The following DYNC1H1 variants were observed in gnomAD, a reference collection of about 807,000 sequenced individuals.
DYNC1H1 encodes cytoplasmic dynein 1 heavy chain 1.
In DYNC1H1, 51 loss-of-function variants were observed where a neutral mutation model predicts 527.1. The ratio of observed to expected loss-of-function variants is 0.10; its 90% CI spans 0.08 to 0.12. The LOEUF (loss-of-function observed/expected upper bound fraction) is 0.12, where lower values mean the gene tolerates loss of function less well. Ranked by LOEUF, DYNC1H1 falls within the 10% of genes least tolerant of loss-of-function variation. The probability of loss-of-function intolerance (pLI) is 1.00; values close to 1 mark genes in which losing one functional copy is unlikely to be tolerated. For missense variants in DYNC1H1, 2,771 were observed against 5,971.8 expected (o/e 0.46, Z 17.66); for synonymous variants, 2,189 against 2,278.8 (o/e 0.96, Z 1.12).
rs774359082 is a variant in DYNC1H1, at chr14:102,000,074, G to A, written c.3890G>A (p.Cys1297Tyr). Reference protein sequence around the residue: ...FGRLKDDREKCAKAKEALELT... With the variant: ...FGRLKDDREKYAKAKEALELT... ...AGGCTGAAGGACGACAGAGAGAAGT[G>A]TGCAAAGGCCAAGGAGGCGCTGGAA... Residue 1297 changes from cysteine (C) to tyrosine (Y), a missense_variant, in exon 17 of 78, where the codon TGT (cysteine) becomes TAT (tyrosine). This residue lies in a region of DYNC1H1 where 223 missense variants were observed against 462.5 expected (regional missense o/e 0.48). Transcript: ENST00000360184. 1 of 1,614,084 alleles carries A rather than the reference G, an allele frequency of 6.2e-7. No homozygotes were observed. Among genetic ancestry groups the A allele is most frequent in the African/African-American group, 1.3e-5 (1 of 74,928 alleles).
At position 102,049,863 on chromosome 14, in the gene DYNC1H1, T is replaced by C. The variant is rs748970151; in HGVS notation, c.13665T>C (p.Ala4555=). Residue 4555 remains alanine, a synonymous_variant, in exon 76 of 78, where the codon GCT becomes GCC. Coordinates refer to ENST00000360184, the MANE Select transcript of DYNC1H1 (RefSeq NM_001376.5). The surrounding 1 kb of genome is among the most constrained non-coding windows in gnomAD (Gnocchi z 5.5). ...CCTCACAGGGCGCCACCCTTGACGC[T>C]TGCAGCTTCGGAGTCACGGGTGAGT... ...VTTSQGATLD[A]CSFGVTGLKL... 1.9e-6 allele frequency: 3 copies of C among 1,613,750 alleles called. No homozygotes were observed.
At chr14:101,970,483 T>G (rs1278133023) in intron 1 of DYNC1H1, among the ~76,000 whole-genome samples, 7 of 122,904 alleles carry the variant, frequency 5.7e-5, no homozygotes, top group African/African-American at 1.7e-4. Context: ...GTTTTTTTTT[T>G]TTTTTTTTTT....
At position 102,042,714 on chromosome 14, in the gene DYNC1H1, C is replaced by T. The variant is rs1463499518; in HGVS notation, c.12479C>T (p.Thr4160Met). 3 of 1,614,054 alleles carry T rather than the reference C, an allele frequency of 1.9e-6. No individual in the cohort carries two copies. The highest frequency in any genetic ancestry group is 1.7e-6 in the Non-Finnish European group (2 of 1,180,048). Residue 4160 changes from threonine (T) to methionine (M), a missense_variant, in exon 69 of 78, where the codon ACG (threonine) becomes ATG (methionine). By Grantham distance (81) the Thr-to-Met change is moderately conservative (BLOSUM62 -1). Transcript: ENST00000360184. The surrounding 1 kb of genome is among the most constrained non-coding windows in gnomAD (Gnocchi z 5.7). ...GGGGTGAAGGCCAACATGCTGAGGA[C>T]GTTCAGCAGCATTCCCGTCTCACGG... ...PPGVKANMLR[T>M]FSSIPVSRIC...
At position 102,047,641 on chromosome 14, in the gene DYNC1H1, G is replaced by GTGTGTGTATATATATATA; in HGVS notation, c.13007-175_13007-174insGTGTGTATATATATATAT. The GTGTGTGTATATATATATA allele has an allele frequency of 1.3e-3, 426 of 316,684 alleles. 2 individuals are homozygous for GTGTGTGTATATATATATA. Among genetic ancestry groups the GTGTGTGTATATATATATA allele is most frequent in the African/African-American group, 4.3e-3 (110 of 25,520 alleles). 19.6% of individuals were successfully genotyped at this position (316,684 alleles called of 1,614,324 possible). A position where few individuals can be genotyped will look rare whatever the true frequency, so the allele number is the denominator to read the frequency against. On this transcript the variant is annotated intron_variant, in intron 72 of 77. Coordinates refer to ENST00000360184, the MANE Select transcript of DYNC1H1 (RefSeq NM_001376.5). ...TACACGTGTGTGTGTGTGTGTGTGT[G>GTGTGTGTATATATATATA]TATATATATATATATATATATATGT...
intron 1 of DYNC1H1, among the ~76,000 whole-genome samples, chr14:101,971,156 G>A (rs906921976): frequency 3.8e-5 from 5 of 132,444 alleles, no homozygotes; most frequent in South Asian, 2.5e-4. Flanking sequence ...GGAGTGCAGC[G>A]CTGCAGTCTC....
At position 102,050,137 on chromosome 14, in the gene DYNC1H1, C is replaced by T. The variant is rs374235890; in HGVS notation, c.13751C>T (p.Ala4584Val). ...KLSLSNAIST[A>V]LPLTQLRWVK... The stretch of plus-strand genomic sequence containing the variant: ...TCACTGTCCAATGCCATCTCAACCG[C>T]CCTTCCCCTGACGCAGCTGCGCTGG... The change falls in exon 77 of 78, where the codon GCC becomes GTC. Residue 4584 changes from alanine to valine, a missense_variant. Physicochemically the swap from Ala to Val is moderately conservative, Grantham distance 64. This residue lies in a region of DYNC1H1 where 106 missense variants were observed against 139.2 expected (regional missense o/e 0.76). Coordinates refer to ENST00000360184, the MANE Select transcript of DYNC1H1 (RefSeq NM_001376.5). 3.1e-6 allele frequency: 5 copies of T among 1,605,172 alleles called. No homozygotes were observed. Among genetic ancestry groups the T allele is most frequent in the Non-Finnish European group, 4.2e-6 (5 of 1,178,162 alleles).
chr14:102,042,570 G>C lies in DYNC1H1; in HGVS notation c.12399+63G>C. The C allele has an allele frequency of 1.9e-6, 3 of 1,613,788 alleles. No individual in the cohort carries two copies. The South Asian group carries it at 3.3e-5, about 18-fold the overall frequency. On this transcript the variant is annotated intron_variant, in intron 68 of 77. Transcript: ENST00000360184. This position sits in a 1 kb window ranked among gnomAD's most constrained non-coding sequence, Gnocchi z 5.7. ...CTGGCACTGTGCTGTCGGCACGTGT[G>C]TGGTGGAATTGAACAGGCGCCCTCA...
chr14:102,008,781 G>C (rs2048226075), intron 29 of DYNC1H1, among the ~76,000 whole-genome samples: 2 of 152,126 alleles, frequency 1.3e-5, no homozygotes, highest in African/African-American at 4.8e-5. Flanking sequence ...GAGCAAAACT[G>C]TTCCCCCAAA....
rs930384042 is a variant in DYNC1H1, at chr14:102,029,091, G to A, written c.9469-448G>A. ...CCAGCCCCTGCAGGCCATCTCCATT[G>A]CCCTTGGAATGTCGTCCAGCCCTGG... On this transcript the variant is annotated intron_variant, in intron 48 of 77. Transcript: ENST00000360184. The surrounding 1 kb of genome is among the most constrained non-coding windows in gnomAD (Gnocchi z 5.3). The A allele has an allele frequency of 4.2e-6, 1 of 239,254 alleles. No homozygotes were observed. The highest frequency in any genetic ancestry group is 8.3e-6 in the Non-Finnish European group (1 of 120,852). The allele number at this position is 239,254 out of a possible 1,614,324, so 14.8% of individuals were successfully genotyped here.
In DYNC1H1 at chr14:102,017,866, G is replaced by T. The variant is rs551326905; in HGVS notation, c.8177+362G>T. 1.1e-4 allele frequency: 37 copies of T among 346,010 alleles called. No homozygotes were observed. The highest frequency in any genetic ancestry group is 7.9e-4 in the African/African-American group (37 of 46,944). 21.4% of individuals were successfully genotyped at this position (346,010 alleles called of 1,614,324 possible). A position where few individuals can be genotyped will look rare whatever the true frequency, so the allele number is the denominator to read the frequency against. On this transcript the variant is annotated intron_variant, in intron 40 of 77. Transcript: ENST00000360184. This position sits in a 1 kb window ranked among gnomAD's most constrained non-coding sequence, Gnocchi z 4.6. ...TTACGCCTGTAATCCCAGCACTTTG[G>T]GAGGCCGAAGCGGGCAGATCACGAG... is the stretch of plus-strand genomic sequence containing the variant.
chr14:102,040,177 C>A (rs1183255688), intron 62 of DYNC1H1, 59 bp from the exon 63 acceptor site: 6 of 1,602,660 alleles, frequency 3.7e-6, no homozygotes, highest in Non-Finnish European at 5.1e-6. Flanking sequence ...CAGCTGTTAT[C>A]TTAGTGACAG....
chr14:102,008,788 C>CA (rs1295516288), intron 29 of DYNC1H1, among the ~76,000 whole-genome samples: 1 of 151,922 alleles, frequency 6.6e-6, no homozygotes, highest in Non-Finnish European at 1.5e-5. Flanking sequence ...ACTGTTCCCC[C>CA]AAAAAAAGAA....
Position 102,032,380 on chromosome 14 carries a change from G to A in DYNC1H1, c.9992G>A (p.Ser3331Asn). 6.2e-7 allele frequency: 1 copy of A among 1,614,234 alleles called. No homozygotes were observed. Residue 3331 changes from serine (S) to asparagine (N), a missense_variant, in exon 52 of 78, where the codon AGC (serine) becomes AAC (asparagine). By Grantham distance (46) the Ser-to-Asn change is conservative. Around this residue, in one of 32 missense-constraint regions of DYNC1H1, gnomAD observed 283 missense variants for 737.6 expected, o/e 0.38. Transcript: ENST00000360184. The stretch of plus-strand genomic sequence containing the variant: ...TCCATCTGCCTGCTGCTGGGGGAAA[G>A]CACCACAGACTGGAAGCAGATCCGC... ...LESICLLLGE[S>N]TTDWKQIRSI...
intron 5 of DYNC1H1, among the ~76,000 whole-genome samples, chr14:101,981,501 T>C (rs1044656885): frequency 3.3e-5 from 5 of 152,240 alleles, no homozygotes; most frequent in Non-Finnish European, 7.3e-5. Context: ...AGGTCTACAA[T>C]GTTTGAACAC....
At chr14:102,000,782 C>T (rs1399505578) in intron 18 of DYNC1H1, 172 bp from the exon 19 acceptor site, 1 of 641,624 alleles carries the variant, frequency 1.6e-6, no homozygotes, top group African/African-American at 1.8e-5. Context: ...CCATATTGGT[C>T]AGGCTGGTCT....
In DYNC1H1 at chr14:101,986,423, T is replaced by G. The variant is rs1279969795; in HGVS notation, c.2198T>G (p.Leu733Arg). 1 of 1,614,034 alleles carries G rather than the reference T, an allele frequency of 6.2e-7. No homozygotes were observed. The highest frequency in any genetic ancestry group is 8.5e-7 in the Non-Finnish European group (1 of 1,180,030). The change falls in exon 8 of 78, where the codon CTT becomes CGT. Residue 733 changes from leucine to arginine, a missense_variant. Leu to Arg is a moderately radical substitution (Grantham distance 102, BLOSUM62 -2). Around this residue, in one of 32 missense-constraint regions of DYNC1H1, gnomAD observed 264 missense variants for 619.4 expected, o/e 0.43. Transcript: ENST00000360184. The surrounding 1 kb of genome is among the most constrained non-coding windows in gnomAD (Gnocchi z 8.7). ...TRVRGRTGNV[L>R]KLKVNFLPEI... The stretch of plus-strand genomic sequence containing the variant: ...GTTCGGGGCCGAACTGGAAATGTGC[T>G]TAAGCTGAAAGTTAACTTTCTTCCT...
In DYNC1H1 at chr14:102,029,400, GGCCCGACTC is replaced by G; in HGVS notation, c.9469-137_9469-129del. 1 of 1,105,776 alleles carries G rather than the reference GGCCCGACTC, an allele frequency of 9.0e-7. No homozygotes were observed. The highest frequency in any genetic ancestry group is 1.3e-6 in the Non-Finnish European group (1 of 753,488). The allele number at this position is 1,105,776 out of a possible 1,614,324, so 68.5% of individuals were successfully genotyped here. A position where few individuals can be genotyped will look rare whatever the true frequency, so the allele number is the denominator to read the frequency against. ...CGAAAGCTCTAAGTGGCTAAGCTGAGGCCCGACTCGAGTGTTCTGGCCCCGAGGGCCAGG... is the reference window on the plus strand; with the variant it reads ...CGAAAGCTCTAAGTGGCTAAGCTGAGGAGTGTTCTGGCCCCGAGGGCCAGG... On this transcript the variant is annotated intron_variant, in intron 48 of 77. Coordinates refer to ENST00000360184, the MANE Select transcript of DYNC1H1 (RefSeq NM_001376.5). This position sits in a 1 kb window ranked among gnomAD's most constrained non-coding sequence, Gnocchi z 5.3.
Position 101,991,459 on chromosome 14 carries a change from C to A in DYNC1H1, c.2869-68C>A, listed in dbSNP as rs79790516. 20,238 of 1,596,872 alleles carry A rather than the reference C, an allele frequency of 0.013. 164 individuals carry two copies. Among genetic ancestry groups the A allele is most frequent in the Middle Eastern group, 0.029 (142 of 4,874 alleles). ...CAGCCTGGGCAGTAAGAGTGAAACT[C>A]TGTCTTAAAAAAATTTTTTTTATTG... On this transcript the variant is annotated intron_variant, in intron 10 of 77. Coordinates refer to ENST00000360184, the MANE Select transcript of DYNC1H1 (RefSeq NM_001376.5).
rs564688960 is a variant in DYNC1H1 at position 102,029,248 on chromosome 14, C to T, written c.9469-291C>T. The T allele has an allele frequency of 1.3e-5, 6 of 449,550 alleles. No homozygotes were observed. Among genetic ancestry groups the T allele is most frequent in the South Asian group, 1.3e-4 (6 of 45,244 alleles). The allele number at this position is 449,550 out of a possible 1,614,324, so 27.8% of individuals were successfully genotyped here. On this transcript the variant is annotated intron_variant, in intron 48 of 77. Coordinates refer to ENST00000360184, the MANE Select transcript of DYNC1H1 (RefSeq NM_001376.5). The surrounding 1 kb of genome is among the most constrained non-coding windows in gnomAD (Gnocchi z 5.3). ...AAAAGGTGGAAGCAGGCTAGCTAAC[C>T]TTTCTATAGTAACTGACATTTGTGA...
Sources: gnomAD v4.1 joint callset for allele counts (sites outside exome capture counted in the v4.1 genomes callset) on GRCh38, gnomAD v4.1.1 for gene constraint, gnomAD v4.1.1 regional missense constraint, Gnocchi (gnomAD v3.1) non-coding constraint, MANE v1.5 for transcripts, NCBI Gene and HGNC (gene_info 2026-07-23, HGNC 2026-07-21) for gene names.